Variants in ZNF766 observed in about 807,000 individuals in gnomAD.
The protein encoded by ZNF766 is zinc finger protein 766.
A neutral mutation model predicts 13.2 loss-of-function variants in ZNF766; 13 were observed. The ratio of observed to expected loss-of-function variants is 0.98; its 90% CI spans 0.64 to 1.56. The LOEUF (loss-of-function observed/expected upper bound fraction) is 1.56, where lower values mean the gene tolerates loss of function less well. Among genes scored for constraint, ZNF766 ranks in the 40% most tolerant of loss-of-function variants. The pLI is 0.00. For missense variants in ZNF766, 521 were observed against 552.2 expected (o/e 0.94, Z 0.57); for synonymous variants, 178 against 187.6 (o/e 0.95, Z 0.42).
In ZNF766 at chr19:52,290,588, C is replaced by G; in HGVS notation, c.797C>G (p.Thr266Ser). The change falls in exon 4 of 4, where the codon ACT becomes AGT. Residue 266 changes from threonine to serine, a missense_variant. Coordinates refer to ENST00000439461, the MANE Select transcript of ZNF766 (RefSeq NM_001010851.3). ...AYLARHEKVHTGESPYKCNEC... is the reference protein window; with the variant it reads ...AYLARHEKVHSGESPYKCNEC... ...CTTGCACGACACGAGAAAGTGCATA[C>G]TGGAGAGAGTCCTTACAAATGTAAT... The G allele has an allele frequency of 6.2e-7, 1 of 1,614,058 alleles. No individual in the cohort carries two copies.
chr19:52,290,184 T>TGAAGG lies in ZNF766; in HGVS notation c.396_397insGGGAA (p.Cys133GlyfsTer77). The TGAAGG allele has an allele frequency of 6.2e-7, 1 of 1,614,076 alleles. No individual in the cohort carries two copies. Among genetic ancestry groups the TGAAGG allele is most frequent in the South Asian group, 1.1e-5 (1 of 91,088 alleles). On this transcript the variant is annotated frameshift_variant, in exon 4 of 4. Coordinates refer to ENST00000439461, the MANE Select transcript of ZNF766 (RefSeq NM_001010851.3). LOFTEE classifies it low-confidence loss of function (END_TRUNC). ...TATTTCAAGGTGAAGGGAAGATTTA[T>TGAAGG]GAATGTAATCAAGTTCAAAAGTTCA... is the stretch of plus-strand genomic sequence containing the variant.
At chr19:52,273,636 A>G (rs1227060907) in intron 1 of ZNF766, among the ~76,000 whole-genome samples, 3 of 152,002 alleles carry the variant, frequency 2.0e-5, no homozygotes, top group Non-Finnish European at 2.9e-5. Flanking sequence ...TTCTGATATT[A>G]CCTTCTTCAT....
intron 1 of ZNF766, among the ~76,000 whole-genome samples, chr19:52,270,516 G>A (rs1465423147): frequency 6.6e-6 from 1 of 152,022 alleles, no homozygotes; most frequent in Non-Finnish European, 1.5e-5. Context: ...GGGAGAGGAG[G>A]AGGGATTTGG....
chr19:52,285,506 G>A (rs1055511582), intron 3 of ZNF766, among the ~76,000 whole-genome samples: 3 of 152,172 alleles, frequency 2.0e-5, no homozygotes, highest in African/African-American at 7.2e-5. Context: ...AAACACTCAG[G>A]TTTACCGGTT....
rs577345037 is a variant in ZNF766 at position 52,277,458 on chromosome 19, CA to C, written c.19-4644del. 107 of 1,481,474 alleles carry C rather than the reference CA, an allele frequency of 7.2e-5. 1 individual carries two copies. In the East Asian group the frequency reaches 1.0e-3, roughly 14 times the overall value. The allele number at this position is 1,481,474 out of a possible 1,614,324, so 91.8% of individuals were successfully genotyped here. ...TGGGTGACAGAGTGAGACTCCGTCT[CA>C]AAAAAAAACAAAAAAAGTCATGTTA... On this transcript the variant is annotated intron_variant, in intron 1 of 3. Transcript: ENST00000439461.
Position 52,292,205 on chromosome 19 carries a change from A to C in ZNF766, c.*1007A>C. ...AAGATGACAGGGCTGACTTCATTAG[A>C]TGAGGAGCGTTTCTATCCAGTTTCC... On this transcript the variant is annotated 3_prime_UTR_variant, in exon 4 of 4. Coordinates refer to ENST00000439461, the MANE Select transcript of ZNF766 (RefSeq NM_001010851.3). The C allele has an allele frequency of 1.4e-6, 1 of 702,568 alleles. No homozygotes were observed. The highest frequency in any genetic ancestry group is 2.6e-6 in the Non-Finnish European group (1 of 384,810). The allele number at this position is 702,568 out of a possible 1,614,324, so 43.5% of individuals were successfully genotyped here. A position where few individuals can be genotyped will look rare whatever the true frequency, so the allele number is the denominator to read the frequency against.
chr19:52,289,731 T>C (rs935813955), intron 3 of ZNF766, among the ~76,000 whole-genome samples: 1 of 152,206 alleles, frequency 6.6e-6, no homozygotes, highest in East Asian at 1.9e-4. Context: ...CCGGGCGCGG[T>C]GGCTCACACC....
rs10414779 is a variant in ZNF766 at position 52,292,732 on chromosome 19, T to C, written c.*1534T>C. 0.35 allele frequency: 53,369 copies of C among 152,106 alleles called. 10,039 individuals carry two copies. Among genetic ancestry groups the C allele is most frequent in the African/African-American group, 0.49 (20,351 of 41,446 alleles). The allele number at this position is 152,106 out of a possible 1,614,324, so 9.4% of individuals were successfully genotyped here. A position where few individuals can be genotyped will look rare whatever the true frequency, so the allele number is the denominator to read the frequency against. On this transcript the variant is annotated 3_prime_UTR_variant, in exon 4 of 4. Transcript: ENST00000439461. ...GAAATTTTCCAAAGTGTGAATGATT[T>C]ACCTTCTTTCTACCAATATTGTTTT...
At position 52,291,008 on chromosome 19, in the gene ZNF766, C is replaced by T. The variant is rs755436477; in HGVS notation, c.1217C>T (p.Thr406Ile). The T allele has an allele frequency of 6.2e-7, 1 of 1,614,144 alleles. No homozygotes were observed. Among genetic ancestry groups the T allele is most frequent in the Middle Eastern group, 1.6e-4 (1 of 6,062 alleles). Residue 406 changes from threonine to isoleucine, a missense_variant, in exon 4 of 4, where the codon ACT becomes ATT. Transcript: ENST00000439461. ...CTTGCACGACATCAGAAAATTCACACTGGAGAGAAACCTTACAAATGTAAT... is the reference window on the plus strand; with the variant it reads ...CTTGCACGACATCAGAAAATTCACATTGGAGAGAAACCTTACAAATGTAAT... Reference protein sequence around the residue: ...SHLARHQKIHTGEKPYKCNEC... With the variant: ...SHLARHQKIHIGEKPYKCNEC...
Position 52,290,803 on chromosome 19 carries a change from G to T in ZNF766, c.1012G>T (p.Gly338Trp). The T allele has an allele frequency of 6.2e-7, 1 of 1,613,780 alleles. No individual in the cohort carries two copies. Among genetic ancestry groups the T allele is most frequent in the Non-Finnish European group, 8.5e-7 (1 of 1,179,814 alleles). Residue 338 changes from glycine (G) to tryptophan (W), a missense_variant, in exon 4 of 4, where the codon GGG becomes TGG. By Grantham distance (184) the Gly-to-Trp change is radical (BLOSUM62 -2). Transcript: ENST00000439461. The stretch of plus-strand genomic sequence containing the variant: ...TAATAAATGTGGCAAAGAATTTAGT[G>T]GGCATTCAAGCCTCACCACCCATCT... ...KCNKCGKEFS[G>W]HSSLTTHLLI...
rs1483554264 is a variant in ZNF766, at chr19:52,291,734, C to T, written c.*536C>T. 6.2e-6 allele frequency: 1 copy of T among 161,892 alleles called. No individual in the cohort carries two copies. The highest frequency in any genetic ancestry group is 1.3e-5 in the Non-Finnish European group (1 of 75,024). The allele number at this position is 161,892 out of a possible 1,614,324, so 10.0% of individuals were successfully genotyped here. On this transcript the variant is annotated 3_prime_UTR_variant, in exon 4 of 4. Coordinates refer to ENST00000439461, the MANE Select transcript of ZNF766 (RefSeq NM_001010851.3). ...CTGAGATCGCGCCACTGCACTCCAA[C>T]CTGGGTGACAGAGCGAGACTCCGTC...
In ZNF766 at chr19:52,289,768, C is replaced by A. The variant is rs775682793; in HGVS notation, c.275-298C>A. ...ATAATCCCAGCACTTTGGGAGGCCA[C>A]GGCGGGCGGATCACGAGGTCAGGAG... is the stretch of plus-strand genomic sequence containing the variant. On this transcript the variant is annotated intron_variant, in intron 3 of 3. Transcript: ENST00000439461. Among the ~76,000 whole-genome samples, 65 of 152,062 alleles carry A rather than the reference C, an allele frequency of 4.3e-4. 1 individual carries two copies. Among genetic ancestry groups the A allele is most frequent in the South Asian group, 1.9e-3 (9 of 4,810 alleles).
At chr19:52,269,770 G>A in intron 1 of ZNF766, 139 bp downstream of exon 1, 2 of 1,191,024 alleles carry the variant, frequency 1.7e-6, no homozygotes, top group Non-Finnish European at 2.3e-6. Context: ...CGTCCCGTCA[G>A]AGTGTTAAAA....
At chr19:52,285,338 C>A (rs1165663087) in intron 3 of ZNF766, among the ~76,000 whole-genome samples, 1 of 152,122 alleles carries the variant, frequency 6.6e-6, no homozygotes, top group Non-Finnish European at 1.5e-5. Context: ...AGGGCCAGGT[C>A]CCACAGGTTT....
Position 52,291,324 on chromosome 19 carries a change from C to T in ZNF766, c.*126C>T, listed in dbSNP as rs998053443. ...CGAGACCTACCAAATCACTAGACAT[C>T]GAAACATTCATCTTTGGTGAAACCA... On this transcript the variant is annotated 3_prime_UTR_variant, in exon 4 of 4. Transcript: ENST00000439461. The T allele has an allele frequency of 1.2e-4, 118 of 944,308 alleles. 1 individual carries two copies. The highest frequency in any genetic ancestry group is 9.0e-4 in the Middle Eastern group (3 of 3,328). The allele number at this position is 944,308 out of a possible 1,614,324, so 58.5% of individuals were successfully genotyped here.
Position 52,294,507 on chromosome 19 carries a change from T to G in ZNF766, c.*3309T>G, listed in dbSNP as rs1761298336. The G allele has an allele frequency of 6.6e-6, 1 of 152,182 alleles. No individual in the cohort carries two copies. The highest frequency in any genetic ancestry group is 2.1e-4 in the South Asian group (1 of 4,828). 9.4% of individuals were successfully genotyped at this position (152,182 alleles called of 1,614,324 possible). ...CTTCCCCGGTTGGTCCAAATATGAC[T>G]AGGGAATCGGCATAGGTGACTGGCT... On this transcript the variant is annotated 3_prime_UTR_variant, in exon 4 of 4. Coordinates refer to ENST00000439461, the MANE Select transcript of ZNF766 (RefSeq NM_001010851.3).
chr19:52,294,981 TATG>T lies in ZNF766; in HGVS notation c.*3786_*3788del, dbSNP rs1481504532. On this transcript the variant is annotated 3_prime_UTR_variant, in exon 4 of 4. Coordinates refer to ENST00000439461, the MANE Select transcript of ZNF766 (RefSeq NM_001010851.3). ...ATGATTAAAATATATTTGTTATAAA[TATG>T]ATATTACTAGAAGAGCATTTTTCCA... The T allele has an allele frequency of 5.3e-5, 8 of 151,202 alleles. No individual in the cohort carries two copies. Among genetic ancestry groups the T allele is most frequent in the East Asian group, 1.9e-4 (1 of 5,162 alleles). The allele number at this position is 151,202 out of a possible 1,614,324, so 9.4% of individuals were successfully genotyped here. A position where few individuals can be genotyped will look rare whatever the true frequency, so the allele number is the denominator to read the frequency against.
At position 52,280,837 on chromosome 19, in the gene ZNF766, C is replaced by T. The variant is rs557632092; in HGVS notation, c.19-1274C>T. On this transcript the variant is annotated intron_variant, in intron 1 of 3. Transcript: ENST00000439461. ...CCCCATGATCCACCTGCCTCGGCCTCCCAAAGTGCTGGGATTACAGGTGTG... is the reference window on the plus strand; with the variant it reads ...CCCCATGATCCACCTGCCTCGGCCTTCCAAAGTGCTGGGATTACAGGTGTG... Among the ~76,000 whole-genome samples the T allele has an allele frequency of 2.2e-4, 33 of 151,370 alleles. No homozygotes were observed. In the South Asian group the frequency reaches 6.9e-3, roughly 32 times the overall value.
intron 3 of ZNF766, chr19:52,287,915 A>G (rs1038286419): frequency 2.7e-6 from 1 of 377,042 alleles, no homozygotes; most frequent in Non-Finnish European, 5.0e-6. Flanking sequence ...AGTCTTACCC[A>G]AAGAGTGAAC....
Sources: allele counts gnomAD v4.1 joint callset (sites outside exome capture counted in the v4.1 genomes callset), GRCh38; gene constraint gnomAD v4.1.1; transcripts MANE v1.5; gene names NCBI Gene and HGNC (gene_info 2026-07-23, HGNC 2026-07-21).